PTPRD: variants seen among roughly 807,000 people sequenced by gnomAD.
PTPRD encodes the protein receptor-type tyrosine-protein phosphatase delta.
In PTPRD, 34 loss-of-function variants were observed where a neutral mutation model predicts 214.5. The ratio of observed to expected loss-of-function variants is 0.16; its 90% CI spans 0.12 to 0.21. PTPRD has a LOEUF of 0.21. Among genes scored for constraint, PTPRD ranks in the 10% least tolerant of loss-of-function variants. PTPRD has a pLI of 1.00. For missense variants in PTPRD, 2,545 were observed against 2,398.7 expected (o/e 1.06, Z -1.27); for synonymous variants, 1,128 against 845.7 (o/e 1.33, Z -5.79).
chr9:8,414,843 C>T (rs544222559), intron 35 of PTPRD, among the ~76,000 whole-genome samples: 11 of 130,220 alleles, frequency 8.4e-5, no homozygotes, highest in East Asian at 2.7e-4. Flanking sequence ...TGTACATGTA[C>T]GGGGAGGGAA....
At chr9:8,681,210 C>G (rs2097543263) in intron 12 of PTPRD, among the ~76,000 whole-genome samples, 1 of 152,056 alleles carries the variant, frequency 6.6e-6, no homozygotes, top group Non-Finnish European at 1.5e-5. Flanking sequence ...TGTAGATGAA[C>G]TCTTTTAGAT....
At chr9:9,176,405 C>G (rs1189701982) in intron 10 of PTPRD, among the ~76,000 whole-genome samples, 1 of 152,108 alleles carries the variant, frequency 6.6e-6, no homozygotes, top group African/African-American at 2.4e-5. Context: ...TTCACTTTCT[C>G]CTAATCTTCT....
intron 3 of PTPRD, among the ~76,000 whole-genome samples, chr9:10,284,190 T>C (rs1022513347): frequency 6.6e-6 from 1 of 152,136 alleles, no homozygotes; most frequent in African/African-American, 2.4e-5. Context: ...TATTTGGCAC[T>C]CCAGCCTGTG....
chr9:8,435,943 G>A (rs1337130778), intron 35 of PTPRD, among the ~76,000 whole-genome samples: 1 of 152,176 alleles, frequency 6.6e-6, no homozygotes, highest in Non-Finnish European at 1.5e-5. Context: ...TAATTACAGA[G>A]TTTTCATGGC....
chr9:9,780,889 G>A (rs1277223631), intron 5 of PTPRD, among the ~76,000 whole-genome samples: 3 of 152,210 alleles, frequency 2.0e-5, no homozygotes, highest in Non-Finnish European at 4.4e-5. Flanking sequence ...ACAAAGCATG[G>A]AGGAACCTGA....
intron 3 of PTPRD, among the ~76,000 whole-genome samples, chr9:10,310,493 G>C (rs540473319): frequency 6.6e-5 from 10 of 152,050 alleles, no homozygotes; most frequent in African/African-American, 2.4e-4. Flanking sequence ...CAGATAAATG[G>C]AAGGTTTAGG....
intron 7 of PTPRD, among the ~76,000 whole-genome samples, chr9:9,640,533 A>G (rs2095905022): frequency 6.6e-6 from 1 of 152,226 alleles, no homozygotes; most frequent in South Asian, 2.1e-4. Context: ...GTTTTCTGTC[A>G]CGTGGAACAG....
chr9:9,079,383 A>G (rs1591222990), intron 10 of PTPRD, among the ~76,000 whole-genome samples: 1 of 152,184 alleles, frequency 6.6e-6, no homozygotes, highest in African/African-American at 2.4e-5. Context: ...ACAGGATTTT[A>G]TTCATTTTTA....
At chr9:8,400,972 A>G (rs1159326578) in intron 36 of PTPRD, among the ~76,000 whole-genome samples, 1 of 152,128 alleles carries the variant, frequency 6.6e-6, no homozygotes, top group Non-Finnish European at 1.5e-5. Flanking sequence ...TAGTGACCCA[A>G]CCTCAGATTT....
chr9:9,838,192 A>C (rs1015355929), intron 5 of PTPRD, among the ~76,000 whole-genome samples: 1 of 149,568 alleles, frequency 6.7e-6, no homozygotes, highest in African/African-American at 2.6e-5. Context: ...GGTTGGTTCC[A>C]AGTCTTTGCT....
chr9:8,934,428 TATATATAA>T lies in PTPRD; in HGVS notation c.-104+84261_-104+84268del, dbSNP rs1313528560. On this transcript the variant is annotated intron_variant, in intron 11 of 45. Transcript: ENST00000381196. ...GTGTGTGTGTGTGTGTGTGTATATATATATATAAATATATATATAAATTTATATATATA... is the reference window on the plus strand; with the variant it reads ...GTGTGTGTGTGTGTGTGTGTATATATATATATATATAAATTTATATATATA... Among the ~76,000 whole-genome samples the T allele has an allele frequency of 9.5e-3, 478 of 50,200 alleles. 20 individuals are homozygous for T. The highest frequency in any genetic ancestry group is 0.029 in the Middle Eastern group (3 of 102). The allele number at this position is 50,200 out of a possible 152,430, so 32.9% of individuals were successfully genotyped here. A position where few individuals can be genotyped will look rare whatever the true frequency, so the allele number is the denominator to read the frequency against.
intron 9 of PTPRD, among the ~76,000 whole-genome samples, chr9:9,299,696 A>G (rs1954510114): frequency 6.6e-6 from 1 of 151,608 alleles, no homozygotes; most frequent in African/African-American, 2.4e-5. Flanking sequence ...ATTAAAGGTG[A>G]ATTTCCATTG....
intron 3 of PTPRD, among the ~76,000 whole-genome samples, chr9:10,273,197 G>A (rs918387788): frequency 3.9e-5 from 6 of 152,134 alleles, no homozygotes; most frequent in African/African-American, 1.4e-4. Flanking sequence ...ACACATGAGA[G>A]CTTGGAAATG....
chr9:9,864,169 G>T (rs2153697279), intron 5 of PTPRD, among the ~76,000 whole-genome samples: 1 of 152,280 alleles, frequency 6.6e-6, no homozygotes, highest in African/African-American at 2.4e-5. Flanking sequence ...AGCTGGGTGT[G>T]GTGGCGGGTG....
chr9:8,803,342 GAAAT>G (rs1566185467), intron 11 of PTPRD, among the ~76,000 whole-genome samples: 1 of 151,984 alleles, frequency 6.6e-6, no homozygotes, highest in Non-Finnish European at 1.5e-5. Context: ...ATTACCTGAG[GAAAT>G]AAATAACTAT....
chr9:9,879,819 A>G (rs2068073011), intron 5 of PTPRD, among the ~76,000 whole-genome samples: 1 of 152,190 alleles, frequency 6.6e-6, no homozygotes, highest in African/African-American at 2.4e-5. Context: ...ATATTGAAGA[A>G]CAGCTTGAAT....
At chr9:8,517,437 C>G (rs2097800371) in intron 21 of PTPRD, among the ~76,000 whole-genome samples, 1 of 152,172 alleles carries the variant, frequency 6.6e-6, no homozygotes. Flanking sequence ...ATACCCAAGG[C>G]CCTGTAACAG....
chr9:8,951,885 C>A (rs1276939229), intron 11 of PTPRD, among the ~76,000 whole-genome samples: 3 of 151,986 alleles, frequency 2.0e-5, no homozygotes, highest in African/African-American at 7.2e-5. Context: ...TTCTCCAGTG[C>A]GTTTCTAAAC....
At chr9:8,762,849 C>T (rs565114951) in intron 11 of PTPRD, among the ~76,000 whole-genome samples, 1 of 152,156 alleles carries the variant, frequency 6.6e-6, no homozygotes, top group African/African-American at 2.4e-5. Context: ...CAAAAGCTTG[C>T]CTCCCAGCGG....
Sources: allele counts gnomAD v4.1 joint callset (sites outside exome capture counted in the v4.1 genomes callset), GRCh38; gene constraint gnomAD v4.1.1; transcripts MANE v1.5; gene names NCBI Gene and HGNC (gene_info 2026-07-23, HGNC 2026-07-21).